Variants in NAA25 observed in about 807,000 individuals in gnomAD.
The protein encoded by NAA25 is N-alpha-acetyltransferase 25, NatB auxiliary subunit, also known as N-terminal acetyltransferase B complex subunit NAA25.
Under a neutral mutation model 132.5 loss-of-function variants are expected in NAA25, and 30 were observed. The ratio of observed to expected loss-of-function variants is 0.23; its 90% CI spans 0.17 to 0.31. The LOEUF (loss-of-function observed/expected upper bound fraction) is 0.31, where lower values mean the gene tolerates loss of function less well. Among genes scored for constraint, NAA25 ranks in the 10% least tolerant of loss-of-function variants. NAA25 has a pLI of 1.00. For synonymous variants in NAA25, 359 were observed against 401.9 expected (o/e 0.89, Z 1.28); for missense variants, 771 against 1,150.4 (o/e 0.67, Z 4.77).
chr12:112,105,340 C>T (rs545325881), intron 1 of NAA25, among the ~76,000 whole-genome samples: 2 of 152,164 alleles, frequency 1.3e-5, no homozygotes, highest in South Asian at 4.1e-4. Flanking sequence ...CTGGGGCTTA[C>T]CAAGTCACAC....
At chr12:112,047,229 CT>C (rs71808367) in intron 17 of NAA25, among the ~76,000 whole-genome samples, 178 of 119,170 alleles carry the variant, frequency 1.5e-3, no homozygotes, top group Non-Finnish European at 1.9e-3. Flanking sequence ...CATCCTAATT[CT>C]TTTTTTTTTT....
chr12:112,077,932 A>C (rs2078916734), intron 7 of NAA25, among the ~76,000 whole-genome samples: 1 of 152,084 alleles, frequency 6.6e-6, no homozygotes, highest in Non-Finnish European at 1.5e-5. Flanking sequence ...GTGTAACTGG[A>C]GGAAAACCTA....
intron 9 of NAA25, among the ~76,000 whole-genome samples, chr12:112,072,279 CT>C (rs2078821536): frequency 6.6e-6 from 1 of 152,136 alleles, no homozygotes; most frequent in Non-Finnish European, 1.5e-5. Flanking sequence ...CATAACTTAC[CT>C]TTTTAAAAAA....
At chr12:112,083,532 A>G (rs149579465) in intron 4 of NAA25, among the ~76,000 whole-genome samples, 1 of 149,514 alleles carries the variant, frequency 6.7e-6, no homozygotes, top group Non-Finnish European at 1.5e-5. Flanking sequence ...CATCTCAAAG[A>G]AAAAAAAAAG....
chr12:112,038,107 G>A (rs112556348), intron 22 of NAA25, among the ~76,000 whole-genome samples: 2 of 152,178 alleles, frequency 1.3e-5, no homozygotes, highest in Admixed American at 6.5e-5. Flanking sequence ...TCTGCCTCTC[G>A]GGTTCAAGCA....
chr12:112,077,501 G>A (rs1248481391), intron 7 of NAA25, among the ~76,000 whole-genome samples: 1 of 150,782 alleles, frequency 6.6e-6, no homozygotes, highest in Non-Finnish European at 1.5e-5. Flanking sequence ...AGAAATAATG[G>A]AGCCCAGTGT....
At chr12:112,048,752 T>C (rs1774600367) in intron 15 of NAA25, among the ~76,000 whole-genome samples, 1 of 152,128 alleles carries the variant, frequency 6.6e-6, no homozygotes, top group African/African-American at 2.4e-5. Context: ...GCCACATCAG[T>C]CAAAAATTTG....
At chr12:112,039,896 T>G (rs564518663) in intron 21 of NAA25, 1 of 154,304 alleles carries the variant, frequency 6.5e-6, no homozygotes, top group South Asian at 2.0e-4. Context: ...TTATTACTCA[T>G]TCACTTAATA....
intron 13 of NAA25, 37 bp downstream of exon 13, chr12:112,060,233 C>CA (rs2078607234): frequency 1.4e-6 from 2 of 1,432,850 alleles, no homozygotes; most frequent in Admixed American, 1.9e-5. Flanking sequence ...TCAATAAAAG[C>CA]AAAAAGTAAA....
chr12:112,069,052 G>A (rs7958564), intron 10 of NAA25, 60 bp from the exon 11 acceptor site: 41 of 970,990 alleles, frequency 4.2e-5, no homozygotes, highest in African/African-American at 2.5e-4. Flanking sequence ...TTCTATTTAA[G>A]TGAGAATTAA....
rs975065180 is a variant in NAA25 at position 112,029,141 on chromosome 12, G to A, written c.*390C>T. On this transcript the variant is annotated 3_prime_UTR_variant, in exon 24 of 24. Transcript: ENST00000261745. Reference sequence around the variant, plus strand: ...AAGGACCAGACCAAAAACTCTCAATGTTATTTATAATGGAAGGGCTATTCA... The same window carrying A: ...AAGGACCAGACCAAAAACTCTCAATATTATTTATAATGGAAGGGCTATTCA... 5.9e-6 allele frequency: 1 copy of A among 170,482 alleles called. No homozygotes were observed. Among genetic ancestry groups the A allele is most frequent in the Non-Finnish European group, 1.3e-5 (1 of 78,696 alleles). 10.6% of individuals were successfully genotyped at this position (170,482 alleles called of 1,614,324 possible).
chr12:112,032,757 T>C (rs1176090984), intron 23 of NAA25, among the ~76,000 whole-genome samples: 6 of 152,208 alleles, frequency 3.9e-5, no homozygotes, highest in African/African-American at 1.2e-4. Flanking sequence ...CATTTGATGG[T>C]GGTACCTTTG....
intron 1 of NAA25, among the ~76,000 whole-genome samples, chr12:112,107,404 T>C (rs1382826061): frequency 6.6e-6 from 1 of 151,834 alleles, no homozygotes; most frequent in Non-Finnish European, 1.5e-5. Flanking sequence ...TTGTTGTTGT[T>C]GTTAAAGGGT....
intron 4 of NAA25, among the ~76,000 whole-genome samples, chr12:112,086,099 C>A (rs530108739): frequency 1.2e-4 from 15 of 128,494 alleles, no homozygotes; most frequent in Non-Finnish European, 1.9e-4. Context: ...CACACACACA[C>A]ACACCCATAA....
At chr12:112,061,566 C>T (rs2078630206) in intron 11 of NAA25, among the ~76,000 whole-genome samples, 178 bp from the exon 12 acceptor site, 1 of 152,148 alleles carries the variant, frequency 6.6e-6, no homozygotes, top group African/African-American at 2.4e-5. Flanking sequence ...TTTGTGACAG[C>T]ACACAACACT....
intron 23 of NAA25, among the ~76,000 whole-genome samples, chr12:112,032,274 CT>C (rs918245997): frequency 2.0e-5 from 3 of 152,070 alleles, no homozygotes; most frequent in Admixed American, 6.6e-5. Context: ...CCCATGTCTG[CT>C]TTTTTTAATC....
chr12:112,036,889 G>A (rs150975044), intron 22 of NAA25, among the ~76,000 whole-genome samples: 118 of 151,272 alleles, frequency 7.8e-4, no homozygotes, highest in Non-Finnish European at 1.5e-3. Context: ...GTGTGTGTGT[G>A]TGTGCACGCG....
In NAA25 at chr12:112,100,614, C is replaced by CTTTTTTTT. The variant is rs71083200; in HGVS notation, c.59-7486_59-7479dup. ...TTTTCACAGGTATTGATTCCATTGT[C>CTTTTTTTT]TTTTTTTTTTTTTTTTTTTTTTTGA... On this transcript the variant is annotated intron_variant, in intron 1 of 23. Transcript: ENST00000261745. 9.0e-4 allele frequency among the ~76,000 whole-genome samples: 91 copies of CTTTTTTTT among 100,622 alleles called. 1 individual carries two copies. The East Asian group carries it at 0.014, about 16-fold the overall frequency. The allele number at this position is 100,622 out of a possible 152,430, so 66.0% of individuals were successfully genotyped here.
intron 3 of NAA25, among the ~76,000 whole-genome samples, chr12:112,089,643 G>A (rs1000530659): frequency 5.3e-5 from 8 of 152,022 alleles, no homozygotes; most frequent in East Asian, 1.9e-4. Context: ...GGAAGCAAGA[G>A]AATAAAAAAT....
Sources: allele counts gnomAD v4.1 joint callset (sites outside exome capture counted in the v4.1 genomes callset), GRCh38; gene constraint gnomAD v4.1.1; transcripts MANE v1.5; gene names NCBI Gene and HGNC (gene_info 2026-07-23, HGNC 2026-07-21).